Variants in UNKL observed in about 807,000 individuals in gnomAD.
The protein encoded by UNKL is putative E3 ubiquitin-protein ligase UNKL.
A neutral mutation model predicts 78.0 loss-of-function variants in UNKL; 60 were observed. That is an observed-to-expected ratio of 0.77 (90% confidence interval 0.63 to 0.95). UNKL has a LOEUF of 0.95. UNKL is among the 40% of genes least tolerant of loss of function. The probability of loss-of-function intolerance (pLI) is 0.00; values close to 1 mark genes in which losing one functional copy is unlikely to be tolerated. For missense variants in UNKL, 1,159 were observed against 1,045.7 expected (o/e 1.11, Z -1.49); for synonymous variants, 608 against 474.8 (o/e 1.28, Z -3.65).
intron 2 of UNKL, among the ~76,000 whole-genome samples, chr16:1,409,772 C>A (rs531336297): frequency 6.6e-6 from 1 of 152,218 alleles, no homozygotes; most frequent in South Asian, 2.1e-4. Context: ...CACCAAGACA[C>A]CCAGACTCCG....
rs547534959 is a variant in UNKL at position 1,372,596 on chromosome 16, C to T, written c.1265-985G>A. Reference sequence around the variant, plus strand: ...AGGAGGCTGAGCTCAGGCCACCAGCCCCTGAAGCCACAGCGTGTCTCAAAC... The same window carrying T: ...AGGAGGCTGAGCTCAGGCCACCAGCTCCTGAAGCCACAGCGTGTCTCAAAC... On this transcript the variant is annotated intron_variant, in intron 10 of 14. Coordinates refer to ENST00000389221, the MANE Select transcript of UNKL (RefSeq NM_001372107.1). Among the ~76,000 whole-genome samples, 11 of 152,300 alleles carry T rather than the reference C, an allele frequency of 7.2e-5. No individual in the cohort carries two copies. The South Asian group carries it at 1.0e-3, about 14-fold the overall frequency.
intron 2 of UNKL, among the ~76,000 whole-genome samples, chr16:1,404,101 A>T (rs1341544650): frequency 1.3e-5 from 2 of 152,036 alleles, no homozygotes; most frequent in African/African-American, 4.8e-5. Flanking sequence ...GGGCGCCTCC[A>T]GGTAGGTCAC....
chr16:1,403,247 C>A lies in UNKL; in HGVS notation c.385G>T (p.Gly129Cys). The change falls in exon 3 of 15, where the codon GGC (glycine) becomes TGC (cysteine). Residue 129 changes from glycine (G) to cysteine (C), a missense_variant. Physicochemically the swap from Gly to Cys is radical, Grantham distance 159 (BLOSUM62 -3). Transcript: ENST00000389221. This position sits in a 1 kb window ranked among gnomAD's most constrained non-coding sequence, Gnocchi z 4.8. ...GTCIHETDARGHCVKNGLHCA... is the reference protein window; with the variant it reads ...GTCIHETDARCHCVKNGLHCA... ...TGCAGCCCATTCTTCACGCAGTGGC[C>A]ACGTGCGTCTGTCTCGTGGATGCAG... 1 of 1,614,174 alleles carries A rather than the reference C, an allele frequency of 6.2e-7. No homozygotes were observed. Among genetic ancestry groups the A allele is most frequent in the African/African-American group, 1.3e-5 (1 of 75,060 alleles).
At chr16:1,371,673 G>A (rs1953512683) in intron 10 of UNKL, 62 bp from the exon 11 acceptor site, 2 of 1,502,592 alleles carry the variant, frequency 1.3e-6, no homozygotes, top group Non-Finnish European at 1.8e-6. Flanking sequence ...AGGAAGCCTA[G>A]CTGAGGAGGA....
At chr16:1,374,588 C>A (rs1293800880) in intron 10 of UNKL, among the ~76,000 whole-genome samples, 1 of 152,138 alleles carries the variant, frequency 6.6e-6, no homozygotes, top group Non-Finnish European at 1.5e-5. Flanking sequence ...AAGCTGGGGC[C>A]CAGCAGAAGC....
chr16:1,368,056 G>C (rs905677249), intron 12 of UNKL, 198 bp from the exon 13 acceptor site: 1 of 599,824 alleles, frequency 1.7e-6, no homozygotes, highest in Non-Finnish European at 3.0e-6. Context: ...CGCTGACAGT[G>C]ACACCTGCCC....
chr16:1,390,739 A>C, intron 8 of UNKL, 45 bp from the exon 9 acceptor site: 1 of 1,532,470 alleles, frequency 6.5e-7, no homozygotes. Context: ...CAGGGAGGAA[A>C]TGTAAATTAA....
At chr16:1,409,274 G>A (rs568861302) in intron 2 of UNKL, among the ~76,000 whole-genome samples, 2 of 152,282 alleles carry the variant, frequency 1.3e-5, no homozygotes, top group African/African-American at 4.8e-5. Flanking sequence ...TATTCTGAAC[G>A]TTCCTTTATT....
chr16:1,383,911 G>A (rs752702822), intron 10 of UNKL: 1 of 358,070 alleles, frequency 2.8e-6, no homozygotes, highest in Non-Finnish European at 6.1e-6. Context: ...GGATGTAGGA[G>A]AGGAAGGGGT....
chr16:1,377,970 C>T (rs1022649250), intron 10 of UNKL, among the ~76,000 whole-genome samples: 5 of 152,216 alleles, frequency 3.3e-5, no homozygotes, highest in Non-Finnish European at 7.3e-5. Context: ...TGAATCCTGA[C>T]CTGCAAGAAA....
At chr16:1,394,310 C>T (rs2037169419) in intron 6 of UNKL, 95 bp from the exon 7 acceptor site, 10 of 1,405,660 alleles carry the variant, frequency 7.1e-6, no homozygotes, top group Non-Finnish European at 7.9e-6. Flanking sequence ...GATTAAGCTC[C>T]AAATCGTAAC....
At chr16:1,410,807 C>A (rs571798355) in intron 2 of UNKL, among the ~76,000 whole-genome samples, 13 of 152,328 alleles carry the variant, frequency 8.5e-5, no homozygotes, top group Middle Eastern at 3.4e-3. Context: ...CCTTTGAAAG[C>A]CCCATTTGCG....
chr16:1,366,171 G>A lies in UNKL; in HGVS notation c.*69C>T, dbSNP rs1249069391. 2 of 1,414,150 alleles carry A rather than the reference G, an allele frequency of 1.4e-6. No individual in the cohort carries two copies. The highest frequency in any genetic ancestry group is 1.5e-5 in the South Asian group (1 of 65,864). The allele number at this position is 1,414,150 out of a possible 1,614,324, so 87.6% of individuals were successfully genotyped here. On this transcript the variant is annotated 3_prime_UTR_variant, in exon 15 of 15. Coordinates refer to ENST00000389221, the MANE Select transcript of UNKL (RefSeq NM_001372107.1). The stretch of plus-strand genomic sequence containing the variant: ...GTCGGTGGCACCAGAAGCGAGTGAC[G>A]ACATGTCCGTGGTCAGGAGGAGCGC...
intron 3 of UNKL, among the ~76,000 whole-genome samples, chr16:1,402,757 G>A (rs1008622573): frequency 2.6e-5 from 4 of 151,940 alleles, no homozygotes; most frequent in African/African-American, 9.7e-5. Flanking sequence ...AGCCAACGTG[G>A]GTGGATCACA....
intron 14 of UNKL, among the ~76,000 whole-genome samples, chr16:1,366,681 G>A (rs550323352): frequency 2.2e-4 from 34 of 152,366 alleles, no homozygotes; most frequent in South Asian, 8.3e-4. Context: ...GCAGCTGGGT[G>A]CCCAGGATGT....
intron 7 of UNKL, 146 bp from the exon 8 acceptor site, chr16:1,393,122 G>GT: frequency 1.2e-6 from 1 of 810,682 alleles, no homozygotes; most frequent in Non-Finnish European, 2.0e-6. Flanking sequence ...CGGCTGGGCA[G>GT]TGGTGGGGAC....
In UNKL at chr16:1,404,795, C is replaced by T. The variant is rs1234146900; in HGVS notation, c.288-1451G>A. Among the ~76,000 whole-genome samples the T allele has an allele frequency of 3.3e-5, 5 of 152,174 alleles. 1 individual carries two copies. Among genetic ancestry groups the T allele is most frequent in the South Asian group, 4.2e-4 (2 of 4,816 alleles). ...TTAATGCGGGCTTCCATCCACGTGA[C>T]GGGGTACACGCAGGCTTCCGTCCAC... On this transcript the variant is annotated intron_variant, in intron 2 of 14. Transcript: ENST00000389221.
intron 5 of UNKL, among the ~76,000 whole-genome samples, chr16:1,397,777 C>T (rs1404955869): frequency 1.6e-5 from 2 of 121,530 alleles, no homozygotes; most frequent in Non-Finnish European, 3.5e-5. Flanking sequence ...TTGGCTCCCC[C>T]ACCCCGACCC....
intron 10 of UNKL, among the ~76,000 whole-genome samples, chr16:1,377,909 T>C (rs1404557217): frequency 6.6e-6 from 1 of 152,154 alleles, no homozygotes; most frequent in Non-Finnish European, 1.5e-5. Context: ...CCAGCCTGCC[T>C]TCATGCATTG....
Sources: gnomAD v4.1 joint callset for allele counts (sites outside exome capture counted in the v4.1 genomes callset) on GRCh38, gnomAD v4.1.1 for gene constraint, Gnocchi (gnomAD v3.1) non-coding constraint, MANE v1.5 for transcripts, NCBI Gene and HGNC (gene_info 2026-07-23, HGNC 2026-07-21) for gene names.